Variants in CORIN observed in about 807,000 individuals in gnomAD.
The protein encoded by CORIN is corin, serine peptidase, also known as atrial natriuretic peptide-converting enzyme.
A neutral mutation model predicts 125.3 loss-of-function variants in CORIN; 117 were observed. The ratio of observed to expected loss-of-function variants is 0.93; its 90% confidence interval spans 0.80 to 1.09. The LOEUF (loss-of-function observed/expected upper bound fraction) is 1.09, where lower values mean the gene tolerates loss of function less well. Among genes scored for constraint, CORIN ranks in the 50% least tolerant of loss-of-function variants. CORIN has a pLI of 0.00. For missense variants in CORIN, 1,253 were observed against 1,306.7 expected (o/e 0.96, Z 0.63); for synonymous variants, 450 against 466.4 (o/e 0.96, Z 0.45).
chr4:47,679,027 G>C (rs1054090689), intron 8 of CORIN, among the ~76,000 whole-genome samples: 3 of 152,094 alleles, frequency 2.0e-5, no homozygotes, highest in African/African-American at 7.2e-5. Context: ...TTCTATTTTT[G>C]CCTCAAATTA....
At chr4:47,718,951 C>T (rs1019960887) in intron 5 of CORIN, among the ~76,000 whole-genome samples, 2 of 152,130 alleles carry the variant, frequency 1.3e-5, no homozygotes, top group African/African-American at 4.8e-5. Flanking sequence ...TATTTGTCCT[C>T]TTTCTTCTTG....
At chr4:47,627,181 C>T (rs1046557791) in intron 16 of CORIN, among the ~76,000 whole-genome samples, 1 of 152,102 alleles carries the variant, frequency 6.6e-6, no homozygotes, top group Non-Finnish European at 1.5e-5. Context: ...TGAGGTTTCA[C>T]CATGTTGTCC....
intron 9 of CORIN, among the ~76,000 whole-genome samples, chr4:47,675,747 T>A (rs73142042): frequency 1.8e-4 from 28 of 152,274 alleles, no homozygotes; most frequent in African/African-American, 6.5e-4. Context: ...ACTTATTTAT[T>A]GTTTCATAGA....
chr4:47,712,042 A>C (rs932365477), intron 5 of CORIN, among the ~76,000 whole-genome samples: 3 of 152,242 alleles, frequency 2.0e-5, no homozygotes, highest in Admixed American at 2.0e-4. Context: ...ATTAGCTGAA[A>C]TCTTCCTGGA....
intron 2 of CORIN, among the ~76,000 whole-genome samples, chr4:47,800,390 A>G (rs553678458): frequency 6.6e-6 from 1 of 152,294 alleles, no homozygotes; most frequent in South Asian, 2.1e-4. Context: ...CTTACATTTT[A>G]TATTAGCATT....
chr4:47,816,534 G>A (rs562725727), intron 1 of CORIN, among the ~76,000 whole-genome samples: 1 of 152,270 alleles, frequency 6.6e-6, no homozygotes, highest in Admixed American at 6.5e-5. Context: ...AAGATATACA[G>A]CTTCACAGGT....
In CORIN at chr4:47,832,453, T is replaced by A. The variant is rs1428062032; in HGVS notation, c.63+5434A>T. Among the ~76,000 whole-genome samples the A allele has an allele frequency of 8.2e-5, 12 of 147,186 alleles. No individual in the cohort carries two copies. In the East Asian group the frequency reaches 2.1e-3, roughly 26 times the overall value. On this transcript the variant is annotated intron_variant, in intron 1 of 21. Transcript: ENST00000273857. ...TTTCTTTCTTTTCTTTTCTTTTTTTTTTTTTTTTTGAGATGGAGTCTCGCT... is the reference window on the plus strand; with the variant it reads ...TTTCTTTCTTTTCTTTTCTTTTTTTATTTTTTTTTGAGATGGAGTCTCGCT...
At chr4:47,810,981 G>A (rs1732038105) in intron 1 of CORIN, among the ~76,000 whole-genome samples, 1 of 152,064 alleles carries the variant, frequency 6.6e-6, no homozygotes, top group African/African-American at 2.4e-5. Context: ...AAAGGTAATT[G>A]CACAACTATC....
At chr4:47,824,581 CA>C (rs1732660300) in intron 1 of CORIN, among the ~76,000 whole-genome samples, 2 of 152,298 alleles carry the variant, frequency 1.3e-5, no homozygotes, top group South Asian at 4.1e-4. Context: ...TTCAGCCTCC[CA>C]AAGTGCTGGG....
Position 47,800,659 on chromosome 4 carries a change from G to A in CORIN, c.208+6244C>T, listed in dbSNP as rs552321711. ...GAGTGGCAGAGACGAGTTTCAGGACGGTTTACTGTCTTAGCCTGAGAGCAG... is the reference window on the plus strand; with the variant it reads ...GAGTGGCAGAGACGAGTTTCAGGACAGTTTACTGTCTTAGCCTGAGAGCAG... On this transcript the variant is annotated intron_variant, in intron 2 of 21. Coordinates refer to ENST00000273857, the MANE Select transcript of CORIN (RefSeq NM_006587.4). Among the ~76,000 whole-genome samples the A allele has an allele frequency of 9.2e-4, 140 of 152,204 alleles. 2 individuals carry two copies. Among genetic ancestry groups the A allele is most frequent in the Middle Eastern group, 3.4e-3 (1 of 294 alleles).
At chr4:47,684,931 GA>G (rs58636467) in intron 6 of CORIN, among the ~76,000 whole-genome samples, 69,201 of 150,758 alleles carry the variant, frequency 0.46, 17,774 homozygotes, top group Non-Finnish European at 0.59. Flanking sequence ...CAAAACAAAA[GA>G]AAAAAAAATA....
chr4:47,824,527 G>C (rs1434822895), intron 1 of CORIN, among the ~76,000 whole-genome samples: 1 of 151,990 alleles, frequency 6.6e-6, no homozygotes, highest in African/African-American at 2.4e-5. Flanking sequence ...TCAGTATGTT[G>C]CCCAGGCTGG....
chr4:47,815,471 A>G (rs1290631105), intron 1 of CORIN, among the ~76,000 whole-genome samples: 1 of 152,108 alleles, frequency 6.6e-6, no homozygotes, highest in African/African-American at 2.4e-5. Flanking sequence ...GGAGGGTCAT[A>G]TTTCTGTAAT....
chr4:47,644,317 C>T lies in CORIN; in HGVS notation c.1957+764G>A, dbSNP rs1220407026. Among the ~76,000 whole-genome samples, 3 of 152,258 alleles carry T rather than the reference C, an allele frequency of 2.0e-5. No individual in the cohort carries two copies. In the East Asian group the frequency reaches 5.8e-4, roughly 29 times the overall value. On this transcript the variant is annotated intron_variant, in intron 14 of 21. Transcript: ENST00000273857. The stretch of plus-strand genomic sequence containing the variant: ...ATATTTTCACCATTGTGGGAGCCAG[C>T]CTGAGTTGAAGCTGAACTGAAAAAA...
chr4:47,633,692 A>C (rs909641058), intron 16 of CORIN, among the ~76,000 whole-genome samples: 5 of 152,170 alleles, frequency 3.3e-5, no homozygotes, highest in Non-Finnish European at 5.9e-5. Flanking sequence ...ATTTAATTTT[A>C]GTTTCAAAGA....
chr4:47,779,943 G>A (rs1730466897), intron 3 of CORIN, among the ~76,000 whole-genome samples: 1 of 152,092 alleles, frequency 6.6e-6, no homozygotes, highest in Non-Finnish European at 1.5e-5. Context: ...ACAGCATCAT[G>A]GTCATCATCC....
chr4:47,789,221 T>C (rs1265766879), intron 2 of CORIN, among the ~76,000 whole-genome samples: 1 of 152,110 alleles, frequency 6.6e-6, no homozygotes, highest in Admixed American at 6.5e-5. Flanking sequence ...GGAGAATTGT[T>C]TGAACCCGGC....
chr4:47,640,640 T>A (rs1723198294), intron 16 of CORIN, among the ~76,000 whole-genome samples: 2 of 152,220 alleles, frequency 1.3e-5, no homozygotes, highest in South Asian at 4.1e-4. Context: ...TGGTGAATTT[T>A]ATGGATGTGT....
intron 3 of CORIN, among the ~76,000 whole-genome samples, chr4:47,772,296 G>C (rs959332374): frequency 3.3e-5 from 5 of 152,204 alleles, no homozygotes; most frequent in African/African-American, 4.8e-5. Context: ...CGTAATATAG[G>C]CCTCGGCCGA....
Sources: allele counts gnomAD v4.1 joint callset (sites outside exome capture counted in the v4.1 genomes callset), GRCh38; gene constraint gnomAD v4.1.1; transcripts MANE v1.5; gene names NCBI Gene and HGNC (gene_info 2026-07-23, HGNC 2026-07-21).